Variants in SLX4IP observed in about 807,000 individuals in gnomAD.
The protein encoded by SLX4IP is SLX4 interacting protein.
A neutral mutation model predicts 32.9 loss-of-function variants in SLX4IP; 34 were observed. The observed-to-expected ratio is 1.03, with a 90% CI of 0.79 to 1.38. The LOEUF is 1.38. Among genes scored for constraint, SLX4IP ranks in the 40% most tolerant of loss-of-function variants. The probability of loss-of-function intolerance (pLI) is 0.00; values close to 1 mark genes in which losing one functional copy is unlikely to be tolerated. For synonymous variants in SLX4IP, 172 were observed against 171.7 expected, an observed-to-expected ratio of 1.00 and a Z score of -0.01; for missense variants, 444 against 479.0, an observed-to-expected ratio of 0.93 and a Z score of 0.68.
intron 4 of SLX4IP, among the ~76,000 whole-genome samples, chr20:10,591,742 T>G (rs563287485): frequency 1.3e-5 from 2 of 152,346 alleles, no homozygotes; most frequent in South Asian, 4.1e-4. Context: ...TTGCGTGTTA[T>G]CCAAACACAG....
At chr20:10,472,479 C>G (rs140311255) in intron 2 of SLX4IP, among the ~76,000 whole-genome samples, 2,717 of 152,270 alleles carry the variant, frequency 0.018, 39 homozygotes, top group Non-Finnish European at 0.029. Context: ...ATCTGCGTGC[C>G]TTGGACTCCC....
chr20:10,566,366 C>T (rs990931516), intron 4 of SLX4IP, among the ~76,000 whole-genome samples: 5 of 149,506 alleles, frequency 3.3e-5, no homozygotes, highest in Non-Finnish European at 7.4e-5. Flanking sequence ...ATTTCAACTC[C>T]CCTTTGGCCT....
At position 10,560,708 on chromosome 20, in the gene SLX4IP, T is replaced by C; in HGVS notation, c.126T>C (p.Cys42=). 4 of 1,583,044 alleles carry C rather than the reference T, an allele frequency of 2.5e-6. No individual in the cohort carries two copies. Among genetic ancestry groups the C allele is most frequent in the Non-Finnish European group, 3.4e-6 (4 of 1,165,860 alleles). ...WFSEQKKEEV[C]LLLKETIDSR... ...TTTTTTATTTGCTTTAGGAAGTCTGTTTACTGTTAAAAGAAACCATTGATT... is the reference window on the plus strand; with the variant it reads ...TTTTTTATTTGCTTTAGGAAGTCTGCTTACTGTTAAAAGAAACCATTGATT... Residue 42 remains cysteine, a synonymous_variant, in exon 4 of 8, where the codon TGT becomes TGC. Coordinates refer to ENST00000334534, the MANE Select transcript of SLX4IP (RefSeq NM_001009608.3).
intron 6 of SLX4IP, chr20:10,613,360 G>C (rs2066989968): frequency 2.5e-6 from 3 of 1,211,584 alleles, no homozygotes; most frequent in Non-Finnish European, 3.6e-6. Flanking sequence ...ATTGCTTTTT[G>C]CCTTCAAGTC....
chr20:10,537,559 T>C (rs963272509), intron 2 of SLX4IP, among the ~76,000 whole-genome samples: 3 of 152,242 alleles, frequency 2.0e-5, no homozygotes, highest in African/African-American at 7.2e-5. Context: ...CATACTCGTT[T>C]GGATTATTAG....
intron 2 of SLX4IP, among the ~76,000 whole-genome samples, chr20:10,476,142 C>CTGTG (rs143264128): frequency 4.4e-4 from 67 of 150,922 alleles, no homozygotes; most frequent in African/African-American, 5.6e-4. Flanking sequence ...ACATCCCTCA[C>CTGTG]TGTGTGTGTG....
intron 4 of SLX4IP, among the ~76,000 whole-genome samples, chr20:10,569,175 AT>A (rs555310488): frequency 6.6e-3 from 859 of 129,890 alleles, no homozygotes; most frequent in East Asian, 0.017. Flanking sequence ...CCAGATCTAG[AT>A]TTTTTTTTTT....
At chr20:10,558,412 A>C in intron 3 of SLX4IP, among the ~76,000 whole-genome samples, 1 of 151,960 alleles carries the variant, frequency 6.6e-6, no homozygotes, top group Non-Finnish European at 1.5e-5. Context: ...TGTGCGTAAG[A>C]AAGGAGAAAA....
Position 10,626,368 on chromosome 20 carries a change from A to T in SLX4IP, c.*2989A>T, listed in dbSNP as rs751172845. On this transcript the variant is annotated 3_prime_UTR_variant, in exon 8 of 8. Transcript: ENST00000334534. Reference sequence around the variant, plus strand: ...TTCTTAATGATCTTAATAATTTGGCATCTGAAAGTCTGAAACAGTGTCAGT... The same window carrying T: ...TTCTTAATGATCTTAATAATTTGGCTTCTGAAAGTCTGAAACAGTGTCAGT... 6.6e-5 allele frequency: 10 copies of T among 151,890 alleles called. No individual in the cohort carries two copies. The highest frequency in any genetic ancestry group is 2.2e-4 in the African/African-American group (9 of 41,326). The allele number at this position is 151,890 out of a possible 1,614,324, so 9.4% of individuals were successfully genotyped here.
intron 2 of SLX4IP, among the ~76,000 whole-genome samples, chr20:10,508,157 T>C (rs1418721742): frequency 6.6e-6 from 1 of 152,190 alleles, no homozygotes; most frequent in East Asian, 1.9e-4. Flanking sequence ...TGGCAGGTTG[T>C]GGCCCAGTGC....
intron 2 of SLX4IP, among the ~76,000 whole-genome samples, chr20:10,530,924 TTACAGAGAG>T (rs1400921238): frequency 1.3e-5 from 2 of 152,238 alleles, no homozygotes. Context: ...GAGATATTTC[TTACAGAGAG>T]TACCACAGTG....
At chr20:10,561,545 C>CTTTTTTTTTTTT in intron 4 of SLX4IP, among the ~76,000 whole-genome samples, 1 of 139,148 alleles carries the variant, frequency 7.2e-6, no homozygotes, top group Non-Finnish European at 1.6e-5. Context: ...TTTCTTTTTT[C>CTTTTTTTTTTTT]TTTTTTTTTT....
intron 1 of SLX4IP, among the ~76,000 whole-genome samples, chr20:10,442,393 C>G (rs1313960400): frequency 6.6e-6 from 1 of 152,182 alleles, no homozygotes; most frequent in African/African-American, 2.4e-5. Flanking sequence ...CCACTAAAAA[C>G]ACACATGTAA....
In SLX4IP at chr20:10,560,751, T is replaced by C. The variant is rs766919112; in HGVS notation, c.169T>C (p.Leu57=). The C allele has an allele frequency of 4.4e-6, 7 of 1,608,138 alleles. No homozygotes were observed. The highest frequency in any genetic ancestry group is 5.9e-6 in the Non-Finnish European group (7 of 1,177,116). Residue 57 remains leucine (L), a synonymous_variant, in exon 4 of 8, where the codon TTG becomes CTG. Transcript: ENST00000334534. ...CATTGATTCAAGAGTTCAGGAGTAC[T>C]TGGAAGTTCGCAAACAGCACAGGCC... The part of the protein sequence containing the change: ...ETIDSRVQEY[L]EVRKQHRPSN...
chr20:10,576,328 A>C (rs561237408), intron 4 of SLX4IP, among the ~76,000 whole-genome samples: 1 of 152,324 alleles, frequency 6.6e-6, no homozygotes, highest in South Asian at 2.1e-4. Flanking sequence ...TTTGTGAAGC[A>C]TTAAGAATCC....
At chr20:10,449,625 G>C (rs2065226400) in intron 1 of SLX4IP, among the ~76,000 whole-genome samples, 1 of 152,188 alleles carries the variant, frequency 6.6e-6, no homozygotes, top group Non-Finnish European at 1.5e-5. Flanking sequence ...AAGGCTGGGA[G>C]TAGAGGGTCT....
intron 2 of SLX4IP, among the ~76,000 whole-genome samples, chr20:10,555,615 G>T (rs554611805): frequency 1.3e-5 from 2 of 152,154 alleles, no homozygotes; most frequent in Non-Finnish European, 1.5e-5. Context: ...GCTGGACAGC[G>T]CTAGCCTATA....
intron 2 of SLX4IP, among the ~76,000 whole-genome samples, chr20:10,540,091 CTTCCT>C (rs1304415027): frequency 1.4e-5 from 1 of 70,594 alleles, no homozygotes; most frequent in African/African-American, 4.6e-5. Context: ...TCTCTCCTTC[CTTCCT>C]TTCCTTCCTT....
chr20:10,448,249 CT>C (rs2065216803), intron 1 of SLX4IP, among the ~76,000 whole-genome samples: 1 of 152,098 alleles, frequency 6.6e-6, no homozygotes, highest in Admixed American at 6.5e-5. Context: ...CCTTCTTACT[CT>C]TTTCTCTGGA....
Sources: gnomAD v4.1 joint callset for allele counts (sites outside exome capture counted in the v4.1 genomes callset) on GRCh38, gnomAD v4.1.1 for gene constraint, MANE v1.5 for transcripts, NCBI Gene and HGNC (gene_info 2026-07-23, HGNC 2026-07-21) for gene names.